Variants in STXBP6 observed in about 807,000 individuals in gnomAD.
STXBP6 encodes syntaxin-binding protein 6.
A neutral mutation model predicts 26.9 loss-of-function variants in STXBP6; 21 were observed. The observed-to-expected ratio is 0.78, with a 90% CI of 0.55 to 1.12. STXBP6 has a LOEUF of 1.12. Among genes scored for constraint, STXBP6 ranks in the 50% most tolerant of loss-of-function variants. The pLI is 0.00. For synonymous variants in STXBP6, 97 were observed against 92.6 expected (o/e 1.05, Z -0.27); for missense variants, 232 against 257.9 (o/e 0.90, Z 0.69).
intron 2 of STXBP6, among the ~76,000 whole-genome samples, chr14:24,866,421 A>G (rs796514767): frequency 9.9e-5 from 15 of 152,102 alleles, no homozygotes; most frequent in African/African-American, 3.6e-4. Context: ...ATGTGCATGC[A>G]TGTATATGTG....
At chr14:24,900,703 A>G (rs933817930) in intron 2 of STXBP6, among the ~76,000 whole-genome samples, 12 of 152,206 alleles carry the variant, frequency 7.9e-5, no homozygotes, top group African/African-American at 2.7e-4. Context: ...CATGGGATCA[A>G]AAAAGAAGGA....
chr14:24,813,575 T>C (rs1403643854), intron 5 of STXBP6, among the ~76,000 whole-genome samples: 3 of 152,192 alleles, frequency 2.0e-5, no homozygotes, highest in Non-Finnish European at 4.4e-5. Context: ...GACTAATTCC[T>C]GTGGTTGGGG....
chr14:24,833,374 T>C (rs2068514770), intron 4 of STXBP6, among the ~76,000 whole-genome samples: 1 of 152,226 alleles, frequency 6.6e-6, no homozygotes, highest in African/African-American at 2.4e-5. Flanking sequence ...GGAGCATTTA[T>C]TATAATGCAT....
At chr14:24,852,511 G>T (rs1037012803) in intron 4 of STXBP6, among the ~76,000 whole-genome samples, 4 of 151,996 alleles carry the variant, frequency 2.6e-5, no homozygotes, top group Non-Finnish European at 4.4e-5. Flanking sequence ...TACCTGAGAG[G>T]CCCTGTAGGC....
At chr14:24,836,741 C>T (rs866499655) in intron 4 of STXBP6, among the ~76,000 whole-genome samples, 1 of 149,778 alleles carries the variant, frequency 6.7e-6, no homozygotes, top group Admixed American at 6.7e-5. Flanking sequence ...TAAAAATCAA[C>T]AAAAGAAAAA....
chr14:24,826,076 G>A (rs1458037342), intron 4 of STXBP6, among the ~76,000 whole-genome samples: 3 of 152,132 alleles, frequency 2.0e-5, no homozygotes, highest in Non-Finnish European at 2.9e-5. Context: ...TGATCTACAG[G>A]TCTCTACTTT....
chr14:24,983,680 C>T (rs2074256379), intron 1 of STXBP6, among the ~76,000 whole-genome samples: 1 of 152,080 alleles, frequency 6.6e-6, no homozygotes, highest in South Asian at 2.1e-4. Context: ...AAGAAACAAA[C>T]AGAAACATAA....
At chr14:24,870,806 C>G (rs1340232744) in intron 2 of STXBP6, among the ~76,000 whole-genome samples, 2 of 152,176 alleles carry the variant, frequency 1.3e-5, no homozygotes, top group African/African-American at 4.8e-5. Context: ...TCCATTGACC[C>G]TAGCTGAGCT....
intron 2 of STXBP6, among the ~76,000 whole-genome samples, chr14:24,889,104 T>A (rs796964158): frequency 6.6e-6 from 1 of 151,926 alleles, no homozygotes; most frequent in African/African-American, 2.4e-5. Context: ...CACCTTATCA[T>A]GAAGTCCCAG....
chr14:24,974,327 C>T (rs969504639), intron 2 of STXBP6, among the ~76,000 whole-genome samples: 1 of 152,204 alleles, frequency 6.6e-6, no homozygotes, highest in Non-Finnish European at 1.5e-5. Context: ...TATTCAGATA[C>T]CAGCAACTGT....
chr14:24,940,320 T>C (rs558399856), intron 2 of STXBP6, among the ~76,000 whole-genome samples: 1 of 152,346 alleles, frequency 6.6e-6, no homozygotes, highest in African/African-American at 2.4e-5. Flanking sequence ...TCAGTAGAAG[T>C]ATGATTGCTA....
chr14:24,827,284 A>G (rs1267524044), intron 4 of STXBP6, among the ~76,000 whole-genome samples: 1 of 152,228 alleles, frequency 6.6e-6, no homozygotes, highest in East Asian at 1.9e-4. Flanking sequence ...ATACATATTT[A>G]GCATAGGGCT....
At chr14:24,860,547 T>G (rs1164086137) in intron 2 of STXBP6, among the ~76,000 whole-genome samples, 1 of 152,046 alleles carries the variant, frequency 6.6e-6, no homozygotes, top group Non-Finnish European at 1.5e-5. Context: ...CCTCAACTAT[T>G]CCAAAAAGGA....
intron 4 of STXBP6, among the ~76,000 whole-genome samples, chr14:24,851,407 G>GC (rs1268675146): frequency 8.0e-6 from 1 of 125,716 alleles, no homozygotes; most frequent in East Asian, 2.3e-4. Flanking sequence ...CCCACAACAG[G>GC]CCCCGGTGTG....
chr14:24,943,101 G>A (rs1430539841), intron 2 of STXBP6, among the ~76,000 whole-genome samples: 1 of 152,186 alleles, frequency 6.6e-6, no homozygotes, highest in East Asian at 1.9e-4. Context: ...CCTCTTAACA[G>A]AACCCTGATT....
chr14:24,865,070 T>C (rs902272594), intron 2 of STXBP6, among the ~76,000 whole-genome samples: 2 of 30,866 alleles, frequency 6.5e-5, no homozygotes, highest in Non-Finnish European at 2.2e-4. Context: ...AATATTTTAA[T>C]TTTTAATTTT....
At chr14:24,947,422 AT>A (rs1178754309) in intron 2 of STXBP6, among the ~76,000 whole-genome samples, 1 of 152,206 alleles carries the variant, frequency 6.6e-6, no homozygotes, top group African/African-American at 2.4e-5. Flanking sequence ...ACTCAGAACA[AT>A]TTCAACAGAA....
At chr14:25,032,420 T>C (rs1376688381) in intron 1 of STXBP6, among the ~76,000 whole-genome samples, 1 of 152,134 alleles carries the variant, frequency 6.6e-6, no homozygotes, top group East Asian at 1.9e-4. Context: ...AAAAAGAAAC[T>C]AGATCTAACC....
intron 2 of STXBP6, among the ~76,000 whole-genome samples, chr14:24,881,436 G>T (rs146918312): frequency 1.5e-3 from 232 of 152,266 alleles, no homozygotes; most frequent in Admixed American, 6.6e-3. Flanking sequence ...CATGAAAAAG[G>T]CATTTAAACT....
Sources: allele counts gnomAD v4.1 joint callset (sites outside exome capture counted in the v4.1 genomes callset), GRCh38; gene constraint gnomAD v4.1.1; transcripts MANE v1.5; gene names NCBI Gene and HGNC (gene_info 2026-07-23, HGNC 2026-07-21).